Variants in IL1RL2 observed in about 807,000 individuals in gnomAD.
The protein encoded by IL1RL2 is interleukin 1 receptor like 2.
A neutral mutation model predicts 66.8 loss-of-function variants in IL1RL2; 68 were observed. The observed-to-expected ratio is 1.02, with a 90% CI of 0.84 to 1.25. The LOEUF is 1.25. Ranked by LOEUF, IL1RL2 falls within the 50% of genes most tolerant of loss-of-function variation. The pLI is 0.00. For missense variants in IL1RL2, 729 were observed against 709.3 expected, an observed-to-expected ratio of 1.03 and a Z score of -0.32; for synonymous variants, 305 against 264.6, an observed-to-expected ratio of 1.15 and a Z score of -1.48.
chr2:102,195,073 A>G (rs940536551), intron 4 of IL1RL2, among the ~76,000 whole-genome samples: 1 of 152,192 alleles, frequency 6.6e-6, no homozygotes, highest in Non-Finnish European at 1.5e-5. Flanking sequence ...ATTTACAAAA[A>G]CAGGTGGTTA....
intron 10 of IL1RL2, among the ~76,000 whole-genome samples, chr2:102,234,250 G>A (rs771317142): frequency 6.6e-6 from 1 of 152,060 alleles, no homozygotes; most frequent in South Asian, 2.1e-4. Flanking sequence ...TTTTAAAAAC[G>A]TGTTCATCTG....
intron 9 of IL1RL2, among the ~76,000 whole-genome samples, chr2:102,230,863 G>A (rs535263046): frequency 6.6e-6 from 1 of 152,348 alleles, no homozygotes; most frequent in African/African-American, 2.4e-5. Flanking sequence ...GAGAAATGGT[G>A]TTATGTAAAC....
chr2:102,239,452 T>C lies in IL1RL2; in HGVS notation c.*211T>C. The C allele has an allele frequency of 1.0e-5, 5 of 499,770 alleles. No individual in the cohort carries two copies. Among genetic ancestry groups the C allele is most frequent in the South Asian group, 2.0e-5 (1 of 48,902 alleles). 31.0% of individuals were successfully genotyped at this position (499,770 alleles called of 1,614,324 possible). A position where few individuals can be genotyped will look rare whatever the true frequency, so the allele number is the denominator to read the frequency against. ...AGAGCTGGGGCCATCCCCGTGGTCA[T>C]GGAGGGTGAGAGCTGGGGGTTATCC... On this transcript the variant is annotated 3_prime_UTR_variant, in exon 12 of 12. Coordinates refer to ENST00000264257, the MANE Select transcript of IL1RL2 (RefSeq NM_003854.4).
In IL1RL2 at chr2:102,230,609, G is replaced by A. The variant is rs57425949; in HGVS notation, c.1136-2354G>A. On this transcript the variant is annotated intron_variant, in intron 9 of 11. Coordinates refer to ENST00000264257, the MANE Select transcript of IL1RL2 (RefSeq NM_003854.4). ...GCCCGGTCCTGCTCCAGTGGCTGAG[G>A]GCAGGGCAGGGAGCCAACGAAGTCT... Among the ~76,000 whole-genome samples, 1,284 of 152,342 alleles carry A rather than the reference G, an allele frequency of 8.4e-3. 18 individuals carry two copies. The highest frequency in any genetic ancestry group is 0.03 in the African/African-American group (1,237 of 41,576).
chr2:102,212,929 A>G lies in IL1RL2; in HGVS notation c.724+755A>G, dbSNP rs1323137737. On this transcript the variant is annotated intron_variant, in intron 6 of 11. Coordinates refer to ENST00000264257, the MANE Select transcript of IL1RL2 (RefSeq NM_003854.4). ...GCTTGCAGTGAGCCGAGATCGCGCCACTGCACTCCAGCGGCGACAGAGCGA... is the reference window on the plus strand; with the variant it reads ...GCTTGCAGTGAGCCGAGATCGCGCCGCTGCACTCCAGCGGCGACAGAGCGA... 2.6e-5 allele frequency among the ~76,000 whole-genome samples: 4 copies of G among 152,352 alleles called. 1 individual carries two copies. The East Asian group carries it at 7.7e-4, about 29-fold the overall frequency.
chr2:102,188,032 C>T, intron 2 of IL1RL2, 107 bp downstream of exon 2: 1 of 1,066,042 alleles, frequency 9.4e-7, no homozygotes. Context: ...CGGCTCCTTC[C>T]CCTCCCCAGA....
intron 5 of IL1RL2, among the ~76,000 whole-genome samples, chr2:102,203,929 G>C (rs191175482): frequency 6.7e-6 from 1 of 150,224 alleles, no homozygotes; most frequent in Admixed American, 6.6e-5. Context: ...ACTAATTTTG[G>C]GCCTGGTTTG....
At chr2:102,187,791 A>C in intron 1 of IL1RL2, 65 bp from the exon 2 acceptor site, 1 of 1,410,336 alleles carries the variant, frequency 7.1e-7, no homozygotes, top group South Asian at 1.1e-5. Context: ...GAGGTCGCCC[A>C]CGCCGGCGCC....
intron 4 of IL1RL2, among the ~76,000 whole-genome samples, chr2:102,193,312 G>A (rs1404836922): frequency 6.6e-6 from 1 of 152,050 alleles, no homozygotes; most frequent in Non-Finnish European, 1.5e-5. Flanking sequence ...TCATTTGTAG[G>A]GCATGCAGAT....
chr2:102,206,981 C>T (rs1364538089), intron 5 of IL1RL2, among the ~76,000 whole-genome samples: 2 of 152,184 alleles, frequency 1.3e-5, no homozygotes, highest in African/African-American at 4.8e-5. Context: ...CCACTCTTCC[C>T]TCCCCTTTCC....
intron 4 of IL1RL2, among the ~76,000 whole-genome samples, chr2:102,195,645 C>CTCTCTTTCTT (rs1559530440): frequency 2.5e-4 from 5 of 20,230 alleles, no homozygotes; most frequent in Non-Finnish European, 4.9e-4. Context: ...CTCTCTCTCT[C>CTCTCTTTCTT]TCTTTCTTTC....
chr2:102,207,597 C>G (rs944848970), intron 5 of IL1RL2, among the ~76,000 whole-genome samples: 1 of 152,054 alleles, frequency 6.6e-6, no homozygotes, highest in Non-Finnish European at 1.5e-5. Context: ...TGTGGCTGAG[C>G]TGGCATCCAA....
rs756821210 is a variant in IL1RL2, at chr2:102,189,318, C to A, written c.293+8C>A. The A allele has an allele frequency of 3.2e-6, 5 of 1,549,204 alleles. No homozygotes were observed. The highest frequency in any genetic ancestry group is 1.2e-5 in the South Asian group (1 of 86,612). ...CTACCAATGTGTTATAAAGTAAGTT[C>A]CTAATTTAAAATAGAACTAACTCGT... On this transcript the variant is annotated splice_region_variant and intron_variant, in intron 3 of 11. Transcript: ENST00000264257.
intron 7 of IL1RL2, 87 bp from the exon 8 acceptor site, chr2:102,219,794 A>G: frequency 2.2e-6 from 3 of 1,343,928 alleles, no homozygotes; most frequent in Non-Finnish European, 3.1e-6. Flanking sequence ...GTTCTCAAAG[A>G]AAACACTTTA....
chr2:102,237,717 T>C (rs1356721748), intron 11 of IL1RL2, among the ~76,000 whole-genome samples: 2 of 150,418 alleles, frequency 1.3e-5, no homozygotes, highest in East Asian at 3.8e-4. Flanking sequence ...AGAATACAAA[T>C]AATTGAAGTA....
intron 5 of IL1RL2, among the ~76,000 whole-genome samples, chr2:102,203,473 C>G (rs1179341475): frequency 2.0e-5 from 3 of 151,508 alleles, no homozygotes; most frequent in Admixed American, 6.6e-5. Context: ...GGTATTAGTT[C>G]TTCTTTAAAT....
intron 9 of IL1RL2, among the ~76,000 whole-genome samples, chr2:102,231,516 TAA>T (rs1691129337): frequency 1.3e-5 from 1 of 78,464 alleles, no homozygotes; most frequent in African/African-American, 9.4e-5. Flanking sequence ...AATAAAAAAA[TAA>T]AATAAAATAA....
Position 102,235,237 on chromosome 2 carries a change from G to T in IL1RL2, c.1638G>T (p.Pro546=), listed in dbSNP as rs371703622. 4 of 1,614,052 alleles carry T rather than the reference G, an allele frequency of 2.5e-6. No homozygotes were observed. The highest frequency in any genetic ancestry group is 3.4e-6 in the Non-Finnish European group (4 of 1,180,038). The change falls in exon 11 of 12, where the codon CCG becomes CCT. Residue 546 remains proline (P), a synonymous_variant. Transcript: ENST00000264257. ...MPPRRCRPFP[P]VQLLQHTPCY... The stretch of plus-strand genomic sequence containing the variant: ...CCAGAAGGTGTCGGCCGTTTCCTCC[G>T]GTCCAGCTGCTGCAGCACACACCTT...
chr2:102,188,572 A>G (rs1026904721), intron 2 of IL1RL2, among the ~76,000 whole-genome samples: 3 of 122,328 alleles, frequency 2.5e-5, no homozygotes, highest in African/African-American at 9.1e-5. Context: ...TGGGCGACAG[A>G]GAGAGACTCC....
Sources: gnomAD v4.1 joint callset for allele counts (sites outside exome capture counted in the v4.1 genomes callset) on GRCh38, gnomAD v4.1.1 for gene constraint, MANE v1.5 for transcripts, NCBI Gene and HGNC (gene_info 2026-07-23, HGNC 2026-07-21) for gene names.